The following SIPA1L2 variants were observed in gnomAD, a reference collection of about 807,000 sequenced individuals.
SIPA1L2 encodes the protein signal-induced proliferation-associated 1-like protein 2.
Under a neutral mutation model 163.9 loss-of-function variants are expected in SIPA1L2, and 56 were observed. The ratio of observed to expected loss-of-function variants is 0.34; its 90% CI spans 0.28 to 0.43. The LOEUF (loss-of-function observed/expected upper bound fraction) is 0.43, where lower values mean the gene tolerates loss of function less well. Among genes scored for constraint, SIPA1L2 ranks in the 20% least tolerant of loss-of-function variants. The pLI is 1.00. For missense variants in SIPA1L2, 1,974 were observed against 2,193.5 expected (o/e 0.90, Z 2.00); for synonymous variants, 877 against 865.7 (o/e 1.01, Z -0.23).
At chr1:232,552,485 C>G (rs1658448617) in intron 2 of SIPA1L2, among the ~76,000 whole-genome samples, 1 of 151,908 alleles carries the variant, frequency 6.6e-6, no homozygotes, top group Admixed American at 6.6e-5. Flanking sequence ...ATCCTTCTGC[C>G]TCAGCCTCCC....
intron 9 of SIPA1L2, 60 bp downstream of exon 9, chr1:232,464,780 T>G: frequency 7.2e-7 from 1 of 1,383,994 alleles, no homozygotes. Context: ...CAGTGAAAGT[T>G]ATTTTGAATC....
At chr1:232,501,050 A>AGTTTTTTTTTTTTTT (rs1666445999) in intron 3 of SIPA1L2, among the ~76,000 whole-genome samples, 1 of 78,450 alleles carries the variant, frequency 1.3e-5, no homozygotes, top group Non-Finnish European at 2.3e-5. Flanking sequence ...GCAATGAAGT[A>AGTTTTTTTTTTTTTT]TTTTTTTTTT....
At chr1:232,439,575 A>G in intron 14 of SIPA1L2, 79 bp from the exon 15 acceptor site, 1 of 1,512,054 alleles carries the variant, frequency 6.6e-7, no homozygotes, top group Non-Finnish European at 8.9e-7. Flanking sequence ...AGGGAGCTAC[A>G]AGCCATGGGA....
intron 2 of SIPA1L2, among the ~76,000 whole-genome samples, chr1:232,541,306 T>TAAC (rs1288443093): frequency 1.6e-5 from 2 of 126,540 alleles, no homozygotes; most frequent in African/African-American, 2.7e-5. Context: ...CATAACAGAA[T>TAAC]ATATCTTCTG....
At chr1:232,626,483 G>T (rs1488872747) in intron 1 of SIPA1L2, among the ~76,000 whole-genome samples, 1 of 152,080 alleles carries the variant, frequency 6.6e-6, no homozygotes, top group Non-Finnish European at 1.5e-5. Context: ...TCAAGATCTG[G>T]CTCCCTTCTA....
chr1:232,519,639 C>T (rs1225631956), intron 2 of SIPA1L2, among the ~76,000 whole-genome samples: 2 of 152,182 alleles, frequency 1.3e-5, no homozygotes, highest in Admixed American at 1.3e-4. Context: ...TTGTAAAAAA[C>T]CAGTTATGAG....
In SIPA1L2 at chr1:232,629,557, T is replaced by C. The variant is rs1409017552; in HGVS notation, c.-319+312A>G. Among the ~76,000 whole-genome samples, 5 of 152,312 alleles carry C rather than the reference T, an allele frequency of 3.3e-5. No homozygotes were observed. In the East Asian group the frequency reaches 9.7e-4, roughly 29 times the overall value. On this transcript the variant is annotated intron_variant, in intron 1 of 22. Coordinates refer to ENST00000674635, the MANE Select transcript of SIPA1L2 (RefSeq NM_020808.5). ...TAGTCAGAGCGAAGTTCTGGGCACC[T>C]GGAGAAGACCCTCCTCAGTGCCTGT... is the stretch of plus-strand genomic sequence containing the variant.
At chr1:232,508,676 A>T (rs185413763) in intron 3 of SIPA1L2, among the ~76,000 whole-genome samples, 1 of 152,360 alleles carries the variant, frequency 6.6e-6, no homozygotes, top group East Asian at 1.9e-4. Context: ...ATTCACAATG[A>T]GTCCCATCAG....
rs1660462950 is a variant in SIPA1L2 at position 232,403,444 on chromosome 1, A to G, written c.4940+4T>C. 1.2e-6 allele frequency: 2 copies of G among 1,612,460 alleles called. No individual in the cohort carries two copies. The highest frequency in any genetic ancestry group is 2.7e-5 in the African/African-American group (2 of 74,884). On this transcript the variant is annotated splice_donor_region_variant and intron_variant, in intron 21 of 22. Coordinates refer to ENST00000674635, the MANE Select transcript of SIPA1L2 (RefSeq NM_020808.5). The stretch of plus-strand genomic sequence containing the variant: ...GAGGGAGGGGTCCACAGGGGCTCAC[A>G]TACCCAGTTGTGTCCATGAACTCTT...
intron 1 of SIPA1L2, among the ~76,000 whole-genome samples, chr1:232,594,270 A>C (rs1661123750): frequency 6.6e-6 from 1 of 152,232 alleles, no homozygotes; most frequent in Non-Finnish European, 1.5e-5. Context: ...CAGAGGGGAA[A>C]GGAGACAGTG....
chr1:232,492,266 A>G (rs1665970490), intron 4 of SIPA1L2, among the ~76,000 whole-genome samples: 1 of 152,188 alleles, frequency 6.6e-6, no homozygotes, highest in Non-Finnish European at 1.5e-5. Context: ...ATTCTGGAAT[A>G]TCTCCCAAAT....
In SIPA1L2 at chr1:232,479,295, T is replaced by A. The variant is rs920893977; in HGVS notation, c.2085+332A>T. Among the ~76,000 whole-genome samples the A allele has an allele frequency of 2.6e-5, 4 of 152,174 alleles. 1 individual carries two copies. Among genetic ancestry groups the A allele is most frequent in the Admixed American group, 2.6e-4 (4 of 15,276 alleles). On this transcript the variant is annotated intron_variant, in intron 7 of 22. Coordinates refer to ENST00000674635, the MANE Select transcript of SIPA1L2 (RefSeq NM_020808.5). Reference sequence around the variant, plus strand: ...CAGTATTCTCTATAAATAAGCTATTTACCCACACACAAAAACCGAAGTCAG... The same window carrying A: ...CAGTATTCTCTATAAATAAGCTATTAACCCACACACAAAAACCGAAGTCAG...
chr1:232,501,073 T>TTTTTTTTTTTTTC (rs71173222), intron 3 of SIPA1L2, among the ~76,000 whole-genome samples: 1 of 136,002 alleles, frequency 7.4e-6, no homozygotes. Flanking sequence ...TTTTTTTTTT[T>TTTTTTTTTTTTTC]GTGAGACAGA....
intron 1 of SIPA1L2, among the ~76,000 whole-genome samples, chr1:232,577,774 C>T (rs2102795135): frequency 6.6e-6 from 1 of 152,292 alleles, no homozygotes; most frequent in South Asian, 2.1e-4. Flanking sequence ...AACTCAGGAT[C>T]AAACTTGAAT....
At chr1:232,515,692 T>C (rs1667188632) in intron 2 of SIPA1L2, 84 bp from the exon 3 acceptor site, 2 of 208,396 alleles carry the variant, frequency 9.6e-6, no homozygotes, top group Admixed American at 1.0e-4. Flanking sequence ...GTATCTGTCT[T>C]TCCCCTCTGC....
At chr1:232,440,061 C>A (rs1349819678) in intron 14 of SIPA1L2, among the ~76,000 whole-genome samples, 1 of 152,148 alleles carries the variant, frequency 6.6e-6, no homozygotes, top group Non-Finnish European at 1.5e-5. Context: ...ACGGTAAACA[C>A]GAAGTATCTC....
intron 8 of SIPA1L2, 23 bp downstream of exon 8, chr1:232,471,348 T>C (rs12116822): frequency 0.25 from 397,258 of 1,583,650 alleles, 51,402 homozygotes; most frequent in Admixed American, 0.39. Flanking sequence ...GGGAGAATGA[T>C]AGATCAGGGA....
At position 232,432,334 on chromosome 1, in the gene SIPA1L2, T is replaced by C; in HGVS notation, c.4169A>G (p.Gln1390Arg). The C allele has an allele frequency of 6.2e-7, 1 of 1,614,216 alleles. No individual in the cohort carries two copies. Among genetic ancestry groups the C allele is most frequent in the Non-Finnish European group, 8.5e-7 (1 of 1,180,032 alleles). Residue 1390 changes from glutamine (Q) to arginine (R), a missense_variant, in exon 16 of 23, where the codon CAA (glutamine) becomes CGA (arginine). Gln to Arg is a conservative substitution (Grantham distance 43, BLOSUM62 1). Around this residue, in one of 3 missense-constraint regions of SIPA1L2, gnomAD observed 1,079 missense variants for 1,150.7 expected, o/e 0.94. Coordinates refer to ENST00000674635, the MANE Select transcript of SIPA1L2 (RefSeq NM_020808.5). ...GATGACATATTTGTTCACTGCCCCT[T>C]GTCTGTGGTAGGGCTTGGACATGGA... is the stretch of plus-strand genomic sequence containing the variant. ...PGSMSKPYHR[Q>R]GAVNKYVIGW...
At chr1:232,446,531 A>G (rs1312130617) in intron 10 of SIPA1L2, among the ~76,000 whole-genome samples, 1 of 152,220 alleles carries the variant, frequency 6.6e-6, no homozygotes, top group Non-Finnish European at 1.5e-5. Flanking sequence ...AGAAAAAATC[A>G]TACTAAATAG....
Sources: gnomAD v4.1 joint callset for allele counts (sites outside exome capture counted in the v4.1 genomes callset) on GRCh38, gnomAD v4.1.1 for gene constraint, gnomAD v4.1.1 regional missense constraint, MANE v1.5 for transcripts, NCBI Gene and HGNC (gene_info 2026-07-23, HGNC 2026-07-21) for gene names.